SMYD1: variants seen among roughly 807,000 people sequenced by gnomAD.
The protein encoded by SMYD1 is SET and MYND domain containing 1.
In SMYD1, 49 loss-of-function variants were observed where a neutral mutation model predicts 54.0. The ratio of observed to expected loss-of-function variants is 0.91; its 90% CI spans 0.72 to 1.15. The LOEUF is 1.15. Among genes scored for constraint, SMYD1 ranks in the 50% most tolerant of loss-of-function variants. The pLI is 0.00. For synonymous variants in SMYD1, 269 were observed against 234.2 expected (o/e 1.15, Z -1.36); for missense variants, 653 against 639.6 (o/e 1.02, Z -0.23).
At chr2:88,083,131 C>T (rs1674237888) in intron 1 of SMYD1, 1 of 152,154 alleles carries the variant, frequency 6.6e-6, no homozygotes, top group East Asian at 1.9e-4. Context: ...TGGACATCTG[C>T]TTGAGTTTAC....
rs61312123 is a variant in SMYD1 at position 88,100,124 on chromosome 2, G to C, written c.889-2934G>C. Among the ~76,000 whole-genome samples, 1,028 of 152,034 alleles carry C rather than the reference G, an allele frequency of 6.8e-3. 11 individuals carry two copies. Among genetic ancestry groups the C allele is most frequent in the African/African-American group, 0.023 (952 of 41,436 alleles). On this transcript the variant is annotated intron_variant, in intron 6 of 9. Coordinates refer to ENST00000419482, the MANE Select transcript of SMYD1 (RefSeq NM_198274.4). ...CCTGGTGACAGCGGCCTTTCACAGC[G>C]GGGGTTCCTTAAATCCTGTCTGCAA...
chr2:88,078,408 G>T (rs1409273249), intron 1 of SMYD1, among the ~76,000 whole-genome samples: 1 of 152,182 alleles, frequency 6.6e-6, no homozygotes, highest in Admixed American at 6.5e-5. Flanking sequence ...TCTAGGTGTT[G>T]CTATTCCCAT....
chr2:88,091,804 C>CA (rs1476479137), intron 4 of SMYD1, among the ~76,000 whole-genome samples: 76 of 152,310 alleles, frequency 5.0e-4, no homozygotes, highest in African/African-American at 1.8e-3. Context: ...GTTGAGGCTG[C>CA]AGTGAACTAT....
rs750943127 is a variant in SMYD1 at position 88,096,693 on chromosome 2, TG to T, written c.798del (p.Lys267ArgfsTer17). 4.6e-5 allele frequency: 74 copies of T among 1,614,092 alleles called. No individual in the cohort carries two copies. Among genetic ancestry groups the T allele is most frequent in the Non-Finnish European group, 6.0e-5 (71 of 1,180,046 alleles). On this transcript the variant is annotated frameshift_variant, in exon 6 of 10. Coordinates refer to ENST00000419482, the MANE Select transcript of SMYD1 (RefSeq NM_198274.4). LOFTEE classifies it high-confidence loss of function. ...LNVSEERKRQLKKQYYFDCTC... is the reference protein window; with the variant it reads ...LNVSEERKRQXKKQYYFDCTC... ...GTTAGTGAAGAACGCAAGAGGCAGC[TG>T]AAGAAGCAGTACTACTTTGACTGCA...
rs142095653 is a variant in SMYD1 at position 88,107,026 on chromosome 2, C to T, written c.1145+538C>T. Among the ~76,000 whole-genome samples, 120 of 151,866 alleles carry T rather than the reference C, an allele frequency of 7.9e-4. 1 individual carries two copies. The highest frequency in any genetic ancestry group is 2.8e-3 in the African/African-American group (116 of 41,272). ...CCATCCCGGCTAACATGGTGAAACC[C>T]CGTCTCTATTAAAAAATACAAAAAA... is the stretch of plus-strand genomic sequence containing the variant. On this transcript the variant is annotated intron_variant, in intron 8 of 9. Coordinates refer to ENST00000419482, the MANE Select transcript of SMYD1 (RefSeq NM_198274.4).
At chr2:88,084,240 A>T (rs1281043951) in intron 1 of SMYD1, 76 bp from the exon 2 acceptor site, 2 of 1,299,158 alleles carry the variant, frequency 1.5e-6, no homozygotes, top group African/African-American at 2.9e-5. Context: ...CAGTACTGGA[A>T]CACAGGTGTC....
chr2:88,080,511 G>A (rs1674165098), intron 1 of SMYD1, among the ~76,000 whole-genome samples: 1 of 152,152 alleles, frequency 6.6e-6, no homozygotes, highest in Non-Finnish European at 1.5e-5. Flanking sequence ...GGGCGACCTT[G>A]GAACAGACAG....
At chr2:88,099,354 G>C (rs941020832) in intron 6 of SMYD1, among the ~76,000 whole-genome samples, 1 of 152,096 alleles carries the variant, frequency 6.6e-6, no homozygotes, top group Non-Finnish European at 1.5e-5. Context: ...TTGAAGTGCC[G>C]GGATTACAGG....
At chr2:88,086,512 T>C (rs1208385697) in intron 2 of SMYD1, among the ~76,000 whole-genome samples, 1 of 152,190 alleles carries the variant, frequency 6.6e-6, no homozygotes, top group East Asian at 1.9e-4. Context: ...TGTGTCTCTA[T>C]AGGTCTCCTC....
chr2:88,102,442 G>A (rs1674741261), intron 6 of SMYD1, among the ~76,000 whole-genome samples: 2 of 152,202 alleles, frequency 1.3e-5, no homozygotes, highest in Non-Finnish European at 1.5e-5. Context: ...CACAGGAACA[G>A]CTGACAGATA....
intron 8 of SMYD1, among the ~76,000 whole-genome samples, chr2:88,106,809 C>T (rs541908901): frequency 1.3e-3 from 204 of 152,210 alleles, no homozygotes; most frequent in African/African-American, 4.7e-3. Flanking sequence ...GTGATTGGAC[C>T]CTGCCCTCCA....
chr2:88,098,398 A>G (rs2919880), intron 6 of SMYD1, among the ~76,000 whole-genome samples: 88,434 of 151,880 alleles, frequency 0.58, 26,426 homozygotes, highest in African/African-American at 0.71. Context: ...ATACACACAC[A>G]TCTCCAGTAT....
chr2:88,112,087 T>C lies in SMYD1; in HGVS notation c.*1575T>C. The C allele has an allele frequency of 4.3e-6, 3 of 703,290 alleles. No homozygotes were observed. Among genetic ancestry groups the C allele is most frequent in the Non-Finnish European group, 7.8e-6 (3 of 385,078 alleles). The allele number at this position is 703,290 out of a possible 1,614,324, so 43.6% of individuals were successfully genotyped here. A position where few individuals can be genotyped will look rare whatever the true frequency, so the allele number is the denominator to read the frequency against. On this transcript the variant is annotated 3_prime_UTR_variant, in exon 10 of 10. Coordinates refer to ENST00000419482, the MANE Select transcript of SMYD1 (RefSeq NM_198274.4). ...TGACACTTAGGTCTTGTTTGAAGAA[T>C]TTCCTTTCTGGAAGGTTTTACAAGA... is the stretch of plus-strand genomic sequence containing the variant.
chr2:88,069,263 C>T (rs554023822), intron 1 of SMYD1, among the ~76,000 whole-genome samples: 2 of 152,162 alleles, frequency 1.3e-5, no homozygotes, highest in Non-Finnish European at 2.9e-5. Flanking sequence ...GGAAAGGGCA[C>T]TGCTTCCCAC....
intron 2 of SMYD1, among the ~76,000 whole-genome samples, chr2:88,087,486 TTG>T (rs1674358287): frequency 6.6e-6 from 1 of 152,186 alleles, no homozygotes; most frequent in Non-Finnish European, 1.5e-5. Context: ...TTCAGGGCCT[TTG>T]TACTCACTGC....
intron 1 of SMYD1, among the ~76,000 whole-genome samples, chr2:88,071,837 G>A (rs1260939668): frequency 6.6e-6 from 1 of 152,084 alleles, no homozygotes. Flanking sequence ...CACTCTGAGA[G>A]TTTCCAGTTC....
intron 1 of SMYD1, chr2:88,083,145 T>A (rs1558849474): frequency 6.6e-6 from 1 of 152,138 alleles, no homozygotes; most frequent in Non-Finnish European, 1.5e-5. Flanking sequence ...AGTTTACCCA[T>A]CCACTTCCTT....
rs763043404 is a variant in SMYD1, at chr2:88,084,407, A to C, written c.229A>C (p.Thr77Pro). The C allele has an allele frequency of 6.2e-7, 1 of 1,609,328 alleles. No individual in the cohort carries two copies. Among genetic ancestry groups the C allele is most frequent in the Non-Finnish European group, 8.5e-7 (1 of 1,176,102 alleles). ...CAAGTTTGCCCATTACTGCGACCGC[A>C]CCTGCCAGAAGGATGCTTGGCTGAA... Reference protein sequence around the residue: ...QCKFAHYCDRTCQKDAWLNHK... With the variant: ...QCKFAHYCDRPCQKDAWLNHK... The change falls in exon 2 of 10, where the codon ACC (threonine) becomes CCC (proline). Residue 77 changes from threonine (T) to proline (P), a missense_variant. Thr to Pro is a conservative substitution (Grantham distance 38). Coordinates refer to ENST00000419482, the MANE Select transcript of SMYD1 (RefSeq NM_198274.4).
At chr2:88,109,388 T>A (rs1440695535) in intron 9 of SMYD1, among the ~76,000 whole-genome samples, 1 of 152,148 alleles carries the variant, frequency 6.6e-6, no homozygotes, top group Non-Finnish European at 1.5e-5. Flanking sequence ...CACCGCTTTC[T>A]GGTTGTGTGA....
Sources: gnomAD v4.1 joint callset for allele counts (sites outside exome capture counted in the v4.1 genomes callset) on GRCh38, gnomAD v4.1.1 for gene constraint, MANE v1.5 for transcripts, NCBI Gene and HGNC (gene_info 2026-07-23, HGNC 2026-07-21) for gene names.